The following KCNC3 variants were observed in gnomAD, a reference collection of about 807,000 sequenced individuals.
The protein encoded by KCNC3 is voltage-gated potassium channel KCNC3.
Under a neutral mutation model 43.9 loss-of-function variants are expected in KCNC3, and 22 were observed. The observed-to-expected ratio is 0.50, with a 90% CI of 0.36 to 0.72. KCNC3 has a LOEUF of 0.72. KCNC3 is among the 30% of genes least tolerant of loss of function. The pLI is 0.00. For missense variants in KCNC3, 829 were observed against 1,073.8 expected, an observed-to-expected ratio of 0.77 and a Z score of 3.19; for synonymous variants, 492 against 488.0, an observed-to-expected ratio of 1.01 and a Z score of -0.11.
chr19:50,319,177 C>T (rs1195139730), intron 4 of KCNC3, among the ~76,000 whole-genome samples: 1 of 151,914 alleles, frequency 6.6e-6, no homozygotes, highest in African/African-American at 2.4e-5. Flanking sequence ...TAAATAGCAC[C>T]ACTGTCTTAT....
intron 2 of KCNC3, among the ~76,000 whole-genome samples, 166 bp from the exon 3 acceptor site, chr19:50,320,950 G>C (rs953584750): frequency 2.0e-5 from 3 of 150,492 alleles, no homozygotes; most frequent in African/African-American, 7.4e-5. Flanking sequence ...GTGGCCAGGA[G>C]GGTGGCAGGG....
chr19:50,326,771 C>T (rs963339163), intron 1 of KCNC3, among the ~76,000 whole-genome samples: 2 of 152,060 alleles, frequency 1.3e-5, no homozygotes, highest in African/African-American at 4.8e-5. Flanking sequence ...GTCATTTAGC[C>T]TAGGAAGTTA....
upstream of KCNC3, among the ~76,000 whole-genome samples, chr19:50,330,346 G>T (rs191999644): frequency 2.4e-3 from 359 of 152,228 alleles, no homozygotes; most frequent in Middle Eastern, 0.01. Context: ...AGCGGGGCTT[G>T]AGGGTCTTGA....
At chr19:50,319,220 G>T (rs533009586) in intron 4 of KCNC3, among the ~76,000 whole-genome samples, 63 of 152,124 alleles carry the variant, frequency 4.1e-4, no homozygotes, top group African/African-American at 1.5e-3. Context: ...GCAGCCCCCA[G>T]TCTGTCCCTT....
chr19:50,324,207 C>A lies in KCNC3; in HGVS notation c.871-125G>T. ...CTGGGCCCAAACTCTGGGCAAAATC[C>A]AGGTGTCTCAGCCCTGTGGCTCCAT... is the stretch of plus-strand genomic sequence containing the variant. On this transcript the variant is annotated intron_variant, in intron 1 of 4. Transcript: ENST00000477616. This position sits in a 1 kb window ranked among gnomAD's most constrained non-coding sequence, Gnocchi z 4.1. The A allele has an allele frequency of 2.3e-6, 2 of 868,038 alleles. No homozygotes were observed. Among genetic ancestry groups the A allele is most frequent in the Admixed American group, 2.9e-5 (1 of 34,830 alleles). The allele number at this position is 868,038 out of a possible 1,614,324, so 53.8% of individuals were successfully genotyped here.
At chr19:50,320,110 C>T (rs866945147) in intron 4 of KCNC3, 113 bp downstream of exon 4, 1 of 183,484 alleles carries the variant, frequency 5.5e-6, no homozygotes, top group Non-Finnish European at 9.8e-6. Flanking sequence ...CAGCTGCTTG[C>T]AGTGAGGGGG....
At chr19:50,321,160 G>T (rs1375403402) in intron 2 of KCNC3, among the ~76,000 whole-genome samples, 1 of 151,874 alleles carries the variant, frequency 6.6e-6, no homozygotes, top group East Asian at 1.9e-4. Context: ...GACTGGGGTG[G>T]GATGCTGTTT....
rs766620584 is a variant in KCNC3, at chr19:50,315,050, G to C, written c.*1065C>G. 10 of 219,142 alleles carry C rather than the reference G, an allele frequency of 4.6e-5. No individual in the cohort carries two copies. Among genetic ancestry groups the C allele is most frequent in the Non-Finnish European group, 8.4e-5 (9 of 107,576 alleles). The allele number at this position is 219,142 out of a possible 1,614,324, so 13.6% of individuals were successfully genotyped here. A position where few individuals can be genotyped will look rare whatever the true frequency, so the allele number is the denominator to read the frequency against. On this transcript the variant is annotated 3_prime_UTR_variant, in exon 5 of 5. Transcript: ENST00000477616. ...AAGCACGAAGATGGGGTGCAGGGAA[G>C]GGTCAGACAGAGAGACCCAAGGCAG... is the stretch of plus-strand genomic sequence containing the variant.
intron 1 of KCNC3, among the ~76,000 whole-genome samples, chr19:50,325,847 C>G (rs968587140): frequency 2.6e-5 from 4 of 152,160 alleles, no homozygotes; most frequent in African/African-American, 9.7e-5. Flanking sequence ...AACGCGCAGC[C>G]GCAGTGTTGC....
chr19:50,314,822 C>A lies in KCNC3; in HGVS notation c.*1293G>T, dbSNP rs1392889316. 5.4e-6 allele frequency: 2 copies of A among 367,382 alleles called. No homozygotes were observed. Among genetic ancestry groups the A allele is most frequent in the Non-Finnish European group, 1.1e-5 (2 of 188,150 alleles). 22.8% of individuals were successfully genotyped at this position (367,382 alleles called of 1,614,324 possible). On this transcript the variant is annotated 3_prime_UTR_variant, in exon 5 of 5. Transcript: ENST00000477616. Reference sequence around the variant, plus strand: ...CTCCTTTGACCTTCTTCCCGGTCACCCCCGAGTCCCCCCACAGGGGGGAGG... The same window carrying A: ...CTCCTTTGACCTTCTTCCCGGTCACACCCGAGTCCCCCCACAGGGGGGAGG...
Position 50,328,570 on chromosome 19 carries a change from G to T in KCNC3, c.513C>A (p.Leu171=). The T allele has an allele frequency of 6.2e-7, 1 of 1,610,958 alleles. No homozygotes were observed. Among genetic ancestry groups the T allele is most frequent in the Non-Finnish European group, 8.5e-7 (1 of 1,179,538 alleles). ...CGGTCTCGTCGATGCCCCAGAAGCC[G>T]AGCTCCTCCTCAAACAGGGGCCCGC... ...DVCGPLFEEE[L]GFWGIDETDV... Residue 171 remains leucine (L), a synonymous_variant, in exon 1 of 5, where the codon CTC becomes CTA. Coordinates refer to ENST00000477616, the MANE Select transcript of KCNC3 (RefSeq NM_004977.3).
chr19:50,321,786 AAG>A (rs1274736865), intron 2 of KCNC3, among the ~76,000 whole-genome samples: 3 of 151,760 alleles, frequency 2.0e-5, no homozygotes, highest in South Asian at 4.2e-4. Context: ...AGAAAAAAAA[AAG>A]AGAGAGATGG....
chr19:50,328,034 G>A (rs903152958), intron 1 of KCNC3, among the ~76,000 whole-genome samples, 179 bp downstream of exon 1: 4 of 150,862 alleles, frequency 2.7e-5, no homozygotes, highest in African/African-American at 9.8e-5. Flanking sequence ...TCTGGGGGAT[G>A]GCTGCGAGAG....
intron 4 of KCNC3, among the ~76,000 whole-genome samples, chr19:50,316,606 G>A (rs1003045429): frequency 6.6e-6 from 1 of 152,138 alleles, no homozygotes; most frequent in Admixed American, 6.5e-5. Flanking sequence ...TGTGGTGGCA[G>A]GCACCTGTAA....
intron 1 of KCNC3, among the ~76,000 whole-genome samples, chr19:50,325,251 A>T (rs1188140053): frequency 6.6e-6 from 1 of 151,992 alleles, no homozygotes; most frequent in Non-Finnish European, 1.5e-5. Flanking sequence ...AGAGGAGTGC[A>T]TTGGAGAGGG....
At chr19:50,330,786 TGA>T (rs553935998), upstream of KCNC3, among the ~76,000 whole-genome samples, 233 of 147,600 alleles carry the variant, frequency 1.6e-3, 1 homozygote, top group African/African-American at 5.5e-3. Flanking sequence ...AAGAATGGAG[TGA>T]GGGGCGGGGC....
chr19:50,316,789 G>A (rs550281316), intron 4 of KCNC3, among the ~76,000 whole-genome samples: 86 of 151,902 alleles, frequency 5.7e-4, no homozygotes, highest in Non-Finnish European at 1.0e-3. Context: ...AGAGACTCTT[G>A]GGGGAAGGAG....
rs758477949 is a variant in KCNC3, at chr19:50,320,740, C to T, written c.2023G>A (p.Glu675Lys). The T allele has an allele frequency of 7.4e-6, 12 of 1,613,758 alleles. No homozygotes were observed. The highest frequency in any genetic ancestry group is 1.7e-5 in the Admixed American group (1 of 59,994). The stretch of plus-strand genomic sequence containing the variant: ...GGCTGGTCAATGGCTGGGCAGTCCT[C>T]GTGGGCAAGCGCAGCTGCTGCCGGA... Reference protein sequence around the residue: ...GDPAAAALAHEDCPAIDQPAM... With the variant: ...GDPAAAALAHKDCPAIDQPAM... Residue 675 changes from glutamate to lysine, a missense_variant, in exon 3 of 5, where the codon GAG becomes AAG. Glu to Lys is a moderately conservative substitution (Grantham distance 56). Around this residue, in one of 7 missense-constraint regions of KCNC3, gnomAD observed 308 missense variants for 276.2 expected, o/e 1.11. Transcript: ENST00000477616.
At chr19:50,320,520 C>T (rs142067386) in intron 3 of KCNC3, 73 bp downstream of exon 3, 28,610 of 1,431,928 alleles carry the variant, frequency 0.02, 389 homozygotes, top group Non-Finnish European at 0.023. Context: ...CTCCCCCATC[C>T]CCCTCTCCTC....
Sources: gnomAD v4.1 joint callset for allele counts (sites outside exome capture counted in the v4.1 genomes callset) on GRCh38, gnomAD v4.1.1 for gene constraint, gnomAD v4.1.1 regional missense constraint, Gnocchi (gnomAD v3.1) non-coding constraint, MANE v1.5 for transcripts, NCBI Gene and HGNC (gene_info 2026-07-23, HGNC 2026-07-21) for gene names.